CDON: variants seen among roughly 807,000 people sequenced by gnomAD.
CDON encodes cell adhesion molecule-related/down-regulated by oncogenes.
A neutral mutation model predicts 120.9 loss-of-function variants in CDON; 73 were observed. The observed-to-expected ratio is 0.60, with a 90% CI of 0.50 to 0.73. The LOEUF is 0.73. Ranked by LOEUF, CDON falls within the 30% of genes least tolerant of loss-of-function variation. The pLI, the probability that CDON is intolerant of heterozygous loss-of-function variation, is 0.00. For synonymous variants in CDON, 566 were observed against 573.5 expected (o/e 0.99, Z 0.19); for missense variants, 1,470 against 1,587.3 (o/e 0.93, Z 1.26).
chr11:126,017,423 A>C lies in CDON; in HGVS notation c.641-48T>G, dbSNP rs1475563516. On this transcript the variant is annotated intron_variant, in intron 5 of 19. Coordinates refer to ENST00000531738, the MANE Select transcript of CDON (RefSeq NM_001378964.1). ...AGATTATTAGTAAGTCTTCGATTCT[A>C]ATCTCTTGCTTAGCAAACCTGTGGG... 1.9e-6 allele frequency: 3 copies of C among 1,574,730 alleles called. No homozygotes were observed. The East Asian group carries it at 6.7e-5, about 35-fold the overall frequency.
At chr11:126,050,199 A>C (rs1390319108) in intron 1 of CDON, among the ~76,000 whole-genome samples, 1 of 150,076 alleles carries the variant, frequency 6.7e-6, no homozygotes, top group Non-Finnish European at 1.5e-5. Context: ...TGTGGTTTAG[A>C]AATGTCAAAG....
intron 1 of CDON, among the ~76,000 whole-genome samples, chr11:126,031,578 TGA>T (rs1591408399): frequency 6.6e-6 from 1 of 152,192 alleles, no homozygotes; most frequent in East Asian, 1.9e-4. Context: ...AGATGCCAAC[TGA>T]GGGGGAGGAC....
At position 125,957,516 on chromosome 11, in the gene CDON, T is replaced by C. The variant is rs923108388; in HGVS notation, c.*3426A>G. ...CCAAATAAAACCTGCCAAAGCTACATCATTTAAAATATGTACAGTTTCACA... is the reference window on the plus strand; with the variant it reads ...CCAAATAAAACCTGCCAAAGCTACACCATTTAAAATATGTACAGTTTCACA... On this transcript the variant is annotated 3_prime_UTR_variant, in exon 20 of 20. Transcript: ENST00000531738. 2.0e-5 allele frequency: 3 copies of C among 152,242 alleles called. No homozygotes were observed. Among genetic ancestry groups the C allele is most frequent in the African/African-American group, 7.2e-5 (3 of 41,464 alleles). 9.4% of individuals were successfully genotyped at this position (152,242 alleles called of 1,614,324 possible).
At chr11:125,993,721 ACGTGG>A (rs535685142) in intron 14 of CDON, among the ~76,000 whole-genome samples, 160 of 152,306 alleles carry the variant, frequency 1.1e-3, no homozygotes, top group African/African-American at 3.6e-3. Context: ...GATGCAAGAG[ACGTGG>A]TGTAGGCAGG....
intron 4 of CDON, 104 bp downstream of exon 4, chr11:126,019,515 C>T (rs1591393401): frequency 7.9e-7 from 1 of 1,258,148 alleles, no homozygotes; most frequent in South Asian, 1.2e-5. Context: ...CCACTCATGC[C>T]TTCTTGTATC....
chr11:125,980,770 C>T (rs1488355675), intron 17 of CDON, among the ~76,000 whole-genome samples: 1 of 152,200 alleles, frequency 6.6e-6, no homozygotes, highest in Admixed American at 6.5e-5. Context: ...TCCATTTCAT[C>T]TAAAGAACAA....
At chr11:125,995,168 T>G in intron 12 of CDON, 116 bp from the exon 13 acceptor site, 1 of 833,246 alleles carries the variant, frequency 1.2e-6, no homozygotes, top group African/African-American at 1.7e-5. Context: ...CTGAAGTACC[T>G]ATCTATACTA....
chr11:126,005,926 C>CACTGGGAT lies in CDON; in HGVS notation c.1676_1683dup (p.Ala562IlefsTer25). 1 of 1,614,142 alleles carries CACTGGGAT rather than the reference C, an allele frequency of 6.2e-7. No individual in the cohort carries two copies. Among genetic ancestry groups the CACTGGGAT allele is most frequent in the Non-Finnish European group, 8.5e-7 (1 of 1,180,030 alleles). On this transcript the variant is annotated frameshift_variant, in exon 9 of 20. Coordinates refer to ENST00000531738, the MANE Select transcript of CDON (RefSeq NM_001378964.1). LOFTEE classifies it high-confidence loss of function. ...TTTTTCTCTGGTGCTGATTCCACTG[C>CACTGGGAT]ACTGGGATGGACCTTCACCGGAAAT... is the stretch of plus-strand genomic sequence containing the variant.
In CDON at chr11:126,034,492, AG is replaced by A. The variant is rs1948037993; in HGVS notation, c.-61-10956del. Among the ~76,000 whole-genome samples the A allele has an allele frequency of 6.6e-6, 1 of 152,038 alleles. No homozygotes were observed. Among genetic ancestry groups the A allele is most frequent in the Non-Finnish European group, 1.5e-5 (1 of 67,996 alleles). On this transcript the variant is annotated intron_variant, in intron 1 of 19. Transcript: ENST00000531738. The surrounding 1 kb of genome is among the most constrained non-coding windows in gnomAD (Gnocchi z 4.5). Reference sequence around the variant, plus strand: ...TGTGGTCCTAATTACACCAAAGGAGAGGGGGCAAAAGCTCAGTTAGGTTCTA... The same window carrying A: ...TGTGGTCCTAATTACACCAAAGGAGAGGGGCAAAAGCTCAGTTAGGTTCTA...
rs759617973 is a variant in CDON, at chr11:126,015,260, T to C, written c.1179A>G (p.Gly393=). ...GCCTACCATTTTCAATTTCAAGTCTTCCAGTAGAGTGCATAAATCCAATCC... is the reference window on the plus strand; with the variant it reads ...GCCTACCATTTTCAATTTCAAGTCTCCCAGTAGAGTGCATAAATCCAATCC... ...DNGIGFMHST[G]RLEIENDGGF... is the part of the protein sequence containing the mutation. Residue 393 remains glycine, a synonymous_variant, in exon 7 of 20, where the codon GGA becomes GGG. Transcript: ENST00000531738. 1.2e-6 allele frequency: 2 copies of C among 1,614,136 alleles called. No homozygotes were observed. The highest frequency in any genetic ancestry group is 2.2e-5 in the East Asian group (1 of 44,886).
chr11:126,042,531 A>C (rs371222548), intron 1 of CDON, among the ~76,000 whole-genome samples: 11 of 152,268 alleles, frequency 7.2e-5, no homozygotes, highest in African/African-American at 2.7e-4. Context: ...CAAGTGGTTT[A>C]TGAGATTATT....
In CDON at chr11:125,960,771, A is replaced by G; in HGVS notation, c.*171T>C. ...GGAAGAAAACATTTAAGGCATAAAT[A>G]ATATAAAAGGGCACACGTTTTAAGA... On this transcript the variant is annotated 3_prime_UTR_variant, in exon 20 of 20. Coordinates refer to ENST00000531738, the MANE Select transcript of CDON (RefSeq NM_001378964.1). 1 of 672,906 alleles carries G rather than the reference A, an allele frequency of 1.5e-6. No homozygotes were observed. The highest frequency in any genetic ancestry group is 2.6e-6 in the Non-Finnish European group (1 of 379,422). The allele number at this position is 672,906 out of a possible 1,614,324, so 41.7% of individuals were successfully genotyped here. A position where few individuals can be genotyped will look rare whatever the true frequency, so the allele number is the denominator to read the frequency against.
rs1945620893 is a variant in CDON at position 125,960,822 on chromosome 11, A to G, written c.*120T>C. ...TACATTCATATGACATTACTACTAC[A>G]AAAAAATAAATAATGATTTTCTCTG... is the stretch of plus-strand genomic sequence containing the variant. On this transcript the variant is annotated 3_prime_UTR_variant, in exon 20 of 20. Coordinates refer to ENST00000531738, the MANE Select transcript of CDON (RefSeq NM_001378964.1). 1 of 971,198 alleles carries G rather than the reference A, an allele frequency of 1.0e-6. No individual in the cohort carries two copies. The highest frequency in any genetic ancestry group is 1.7e-6 in the Non-Finnish European group (1 of 603,576). The allele number at this position is 971,198 out of a possible 1,614,324, so 60.2% of individuals were successfully genotyped here. A position where few individuals can be genotyped will look rare whatever the true frequency, so the allele number is the denominator to read the frequency against.
chr11:125,971,315 G>A (rs980380901), intron 18 of CDON, among the ~76,000 whole-genome samples: 11 of 151,920 alleles, frequency 7.2e-5, no homozygotes, highest in East Asian at 3.9e-4. Flanking sequence ...CCTGGGAGGT[G>A]GAGCTTGCAG....
intron 18 of CDON, among the ~76,000 whole-genome samples, chr11:125,974,162 C>T (rs1946084134): frequency 6.6e-6 from 1 of 152,066 alleles, no homozygotes; most frequent in African/African-American, 2.4e-5. Flanking sequence ...TCCCAAAGTG[C>T]TGGGATTACA....
intron 19 of CDON, 127 bp from the exon 20 acceptor site, chr11:125,961,232 G>A: frequency 1.2e-6 from 1 of 867,414 alleles, no homozygotes; most frequent in Non-Finnish European, 1.9e-6. Flanking sequence ...AACCTGGTTT[G>A]TGTGTGGTTT....
intron 15 of CDON, 86 bp downstream of exon 15, chr11:125,989,551 A>C: frequency 7.4e-7 from 1 of 1,348,808 alleles, no homozygotes; most frequent in Non-Finnish European, 1.1e-6. Flanking sequence ...AAGACAAAAC[A>C]AAACCCAGAA....
intron 8 of CDON, among the ~76,000 whole-genome samples, chr11:126,007,482 C>T (rs1947161314): frequency 6.6e-6 from 1 of 152,110 alleles, no homozygotes; most frequent in South Asian, 2.1e-4. Context: ...TGATCTGGTG[C>T]CTGCTAATGC....
At chr11:126,043,918 T>C (rs2134856126) in intron 1 of CDON, among the ~76,000 whole-genome samples, 1 of 152,344 alleles carries the variant, frequency 6.6e-6, no homozygotes, top group Admixed American at 6.5e-5. Flanking sequence ...ATTATGGTGA[T>C]AATTTGATCC....
Sources: allele counts gnomAD v4.1 joint callset (sites outside exome capture counted in the v4.1 genomes callset), GRCh38; gene constraint gnomAD v4.1.1; non-coding constraint Gnocchi (gnomAD v3.1); transcripts MANE v1.5; gene names NCBI Gene and HGNC (gene_info 2026-07-23, HGNC 2026-07-21).